Variants in ABCB5 observed in about 807,000 individuals in gnomAD.
The protein encoded by ABCB5 is ATP binding cassette subfamily B member 5.
A neutral mutation model predicts 144.2 loss-of-function variants in ABCB5; 155 were observed. The observed-to-expected ratio is 1.08, with a 90% CI of 0.94 to 1.23. The LOEUF is 1.23. Among genes scored for constraint, ABCB5 ranks in the 50% most tolerant of loss-of-function variants. The pLI is 0.00. For missense variants in ABCB5, 1,830 were observed against 1,520.8 expected, an observed-to-expected ratio of 1.20 and a Z score of -3.38; for synonymous variants, 610 against 528.6, an observed-to-expected ratio of 1.15 and a Z score of -2.11.
At chr7:20,680,231 G>A (rs375983140) in intron 14 of ABCB5, among the ~76,000 whole-genome samples, 8 of 151,994 alleles carry the variant, frequency 5.3e-5, no homozygotes, top group Non-Finnish European at 7.4e-5. Context: ...GTTAGAAATC[G>A]GGATAGTGGT....
intron 3 of ABCB5, 92 bp downstream of exon 3, chr7:20,626,703 A>G (rs2128017730): frequency 2.0e-6 from 2 of 994,862 alleles, no homozygotes; most frequent in East Asian, 6.3e-5. Flanking sequence ...GATTGCATCC[A>G]CTATTTGTGG....
chr7:20,711,887 TCCC>T lies in ABCB5; in HGVS notation c.2421+7081_2421+7083del, dbSNP rs1479143526. 1.8e-3 allele frequency among the ~76,000 whole-genome samples: 199 copies of T among 110,592 alleles called. 19 individuals carry two copies. The highest frequency in any genetic ancestry group is 6.2e-3 in the African/African-American group (179 of 28,968). The allele number at this position is 110,592 out of a possible 152,430, so 72.6% of individuals were successfully genotyped here. A position where few individuals can be genotyped will look rare whatever the true frequency, so the allele number is the denominator to read the frequency against. ...CTTCCTCCCTCCCTCCCTCCCTCCC[TCCC>T]TCCTTCCTTCCTTCCTTCCTTTCTT... On this transcript the variant is annotated intron_variant, in intron 20 of 27. Transcript: ENST00000404938.
chr7:20,629,141 A>AGTGTGTGT, intron 4 of ABCB5, among the ~76,000 whole-genome samples: 1 of 62,922 alleles, frequency 1.6e-5, no homozygotes, highest in Non-Finnish European at 3.4e-5. Context: ...AGAGAGAGAG[A>AGTGTGTGT]CTGCGTGTGT....
chr7:20,717,403 T>C (rs2128047959), intron 20 of ABCB5, among the ~76,000 whole-genome samples: 1 of 151,900 alleles, frequency 6.6e-6, no homozygotes, highest in East Asian at 1.9e-4. Flanking sequence ...GGATCTTCTC[T>C]GTGTATGCAG....
intron 16 of ABCB5, among the ~76,000 whole-genome samples, chr7:20,690,212 T>C (rs1462424562): frequency 6.6e-6 from 1 of 152,214 alleles, no homozygotes; most frequent in East Asian, 1.9e-4. Flanking sequence ...ACAATAGTAT[T>C]ACCAGTATTT....
At chr7:20,642,558 C>T (rs971975717) in intron 5 of ABCB5, among the ~76,000 whole-genome samples, 1 of 152,168 alleles carries the variant, frequency 6.6e-6, no homozygotes, top group African/African-American at 2.4e-5. Flanking sequence ...TGTCTGCCTC[C>T]TGCCAGAATT....
At chr7:20,624,030 A>G (rs1050775088) in intron 2 of ABCB5, among the ~76,000 whole-genome samples, 3 of 152,206 alleles carry the variant, frequency 2.0e-5, no homozygotes, top group Non-Finnish European at 4.4e-5. Context: ...TTGAAAATCA[A>G]AAGAACTGCA....
intron 20 of ABCB5, among the ~76,000 whole-genome samples, 185 bp downstream of exon 20, chr7:20,704,992 A>G (rs929985334): frequency 6.6e-6 from 1 of 152,180 alleles, no homozygotes; most frequent in Non-Finnish European, 1.5e-5. Context: ...TCCGTTCTGG[A>G]TATTTTTAAC....
At chr7:20,703,762 G>A (rs960637786) in intron 19 of ABCB5, among the ~76,000 whole-genome samples, 1 of 152,204 alleles carries the variant, frequency 6.6e-6, no homozygotes, top group African/African-American at 2.4e-5. Context: ...CTCAGGCTGA[G>A]AAGCACTAAG....
chr7:20,651,386 G>A (rs1417383124), intron 12 of ABCB5, 34 bp from the exon 13 acceptor site: 6 of 1,607,858 alleles, frequency 3.7e-6, no homozygotes, highest in Non-Finnish European at 5.1e-6. Flanking sequence ...ACAGTAAAAG[G>A]CATCACAACA....
chr7:20,725,808 A>C (rs1400713938), intron 21 of ABCB5, among the ~76,000 whole-genome samples: 1 of 151,770 alleles, frequency 6.6e-6, no homozygotes, highest in Non-Finnish European at 1.5e-5. Flanking sequence ...CATTTTCTTC[A>C]TATACTATGG....
At chr7:20,703,618 T>TG (rs1338366109) in intron 19 of ABCB5, among the ~76,000 whole-genome samples, 3 of 151,472 alleles carry the variant, frequency 2.0e-5, no homozygotes, top group African/African-American at 7.3e-5. Context: ...AGCCAAGATT[T>TG]TTTTGTTCTT....
At chr7:20,635,146 T>G (rs1784127164) in intron 5 of ABCB5, among the ~76,000 whole-genome samples, 1 of 152,148 alleles carries the variant, frequency 6.6e-6, no homozygotes, top group South Asian at 2.1e-4. Context: ...CCAGCACCAC[T>G]TATTAAATAG....
At chr7:20,673,690 G>C (rs1439795159) in intron 14 of ABCB5, among the ~76,000 whole-genome samples, 2 of 151,834 alleles carry the variant, frequency 1.3e-5, no homozygotes, top group Non-Finnish European at 2.9e-5. Flanking sequence ...ACACGTAGTT[G>C]GGTCTTGCTT....
In ABCB5 at chr7:20,675,854, G is replaced by T. The variant is rs560015807; in HGVS notation, c.1708-5651G>T. On this transcript the variant is annotated intron_variant, in intron 14 of 27. Transcript: ENST00000404938. ...AATAAATAACCTGATTTAAAAATAG[G>T]CCAGGAAGTTGAAAAGACATTTCTC... is the stretch of plus-strand genomic sequence containing the variant. 1.5e-3 allele frequency among the ~76,000 whole-genome samples: 230 copies of T among 151,884 alleles called. 1 individual carries two copies. Among genetic ancestry groups the T allele is most frequent in the African/African-American group, 5.3e-3 (220 of 41,484 alleles).
chr7:20,650,250 G>T, intron 12 of ABCB5, 103 bp downstream of exon 12: 1 of 1,414,172 alleles, frequency 7.1e-7, no homozygotes, highest in Non-Finnish European at 9.5e-7. Context: ...GTAGAGCTGG[G>T]AGAGAAGCCA....
intron 14 of ABCB5, chr7:20,660,456 A>G (rs1227354051): frequency 3.2e-6 from 3 of 944,196 alleles, no homozygotes; most frequent in African/African-American, 1.8e-5. Flanking sequence ...AATAGGATGA[A>G]AAGTAGCACA....
At position 20,651,426 on chromosome 7, in the gene ABCB5, G is replaced by C. The variant is rs758412511; in HGVS notation, c.1339G>C (p.Val447Leu). ...LYDPDDGFIM[V>L]DENDIRALNV... ...TCATTCTTTGGATTGGCAGATCATGGTGGATGAGAATGACATCAGAGCTTT... is the reference window on the plus strand; with the variant it reads ...TCATTCTTTGGATTGGCAGATCATGCTGGATGAGAATGACATCAGAGCTTT... The change falls in exon 13 of 28, where the codon GTG becomes CTG. Residue 447 changes from valine (V) to leucine (L), a missense_variant. By Grantham distance (32) the Val-to-Leu change is conservative. Coordinates refer to ENST00000404938, the MANE Select transcript of ABCB5 (RefSeq NM_001163941.2). 7.4e-6 allele frequency: 12 copies of C among 1,613,840 alleles called. No individual in the cohort carries two copies. The Admixed American group carries it at 1.7e-4, about 22-fold the overall frequency.
chr7:20,620,180 C>G (rs1290313451), intron 1 of ABCB5, among the ~76,000 whole-genome samples: 1 of 152,056 alleles, frequency 6.6e-6, no homozygotes, highest in African/African-American at 2.4e-5. Flanking sequence ...GTCTATTTAA[C>G]AAGTAAAACT....
Sources: gnomAD v4.1 joint callset for allele counts (sites outside exome capture counted in the v4.1 genomes callset) on GRCh38, gnomAD v4.1.1 for gene constraint, MANE v1.5 for transcripts, NCBI Gene and HGNC (gene_info 2026-07-23, HGNC 2026-07-21) for gene names.